HS6ST3: variants seen among roughly 807,000 people sequenced by gnomAD.
HS6ST3 encodes the protein heparan-sulfate 6-O-sulfotransferase 3.
HS6ST3 carries 12 observed loss-of-function variants against 36.7 expected under a neutral mutation model. That is an observed-to-expected ratio of 0.33 (90% CI 0.21 to 0.53). The LOEUF (loss-of-function observed/expected upper bound fraction) is 0.53, where lower values mean the gene tolerates loss of function less well. Among genes scored for constraint, HS6ST3 ranks in the 20% least tolerant of loss-of-function variants. HS6ST3 has a pLI of 0.95. For synonymous variants in HS6ST3, 240 were observed against 257.5 expected (o/e 0.93, Z 0.65); for missense variants, 584 against 640.9 (o/e 0.91, Z 0.96).
intron 1 of HS6ST3, among the ~76,000 whole-genome samples, chr13:96,516,491 G>C (rs749888699): frequency 2.6e-5 from 4 of 152,134 alleles, no homozygotes; most frequent in Non-Finnish European, 5.9e-5. Flanking sequence ...TACATGTTGA[G>C]TAGTATTCTT....
chr13:96,615,966 A>G (rs922478860), intron 1 of HS6ST3, among the ~76,000 whole-genome samples: 4 of 152,208 alleles, frequency 2.6e-5, no homozygotes, highest in Non-Finnish European at 5.9e-5. Context: ...AACAATTTAG[A>G]GAAAGGATCA....
intron 1 of HS6ST3, among the ~76,000 whole-genome samples, chr13:96,115,596 G>C (rs1164536794): frequency 6.6e-6 from 1 of 152,156 alleles, no homozygotes; most frequent in Non-Finnish European, 1.5e-5. Flanking sequence ...TTTTGTGGCT[G>C]CATAGTATTC....
chr13:96,320,496 G>A (rs750696434), intron 1 of HS6ST3, among the ~76,000 whole-genome samples: 4 of 152,138 alleles, frequency 2.6e-5, no homozygotes, highest in Admixed American at 6.5e-5. Context: ...AGACTGTGCC[G>A]AGGCATAAAT....
intron 1 of HS6ST3, among the ~76,000 whole-genome samples, chr13:96,358,859 G>GTA (rs1171694064): frequency 2.7e-5 from 4 of 147,274 alleles, no homozygotes; most frequent in African/African-American, 5.1e-5. Flanking sequence ...AAGAAAGGAA[G>GTA]TATATATATA....
intron 1 of HS6ST3, among the ~76,000 whole-genome samples, chr13:96,524,966 C>T (rs1330263059): frequency 1.3e-5 from 2 of 152,194 alleles, no homozygotes; most frequent in East Asian, 1.9e-4. Flanking sequence ...TTGACTGGAG[C>T]TGTTCCTATT....
intron 1 of HS6ST3, among the ~76,000 whole-genome samples, chr13:96,698,467 CACAA>C (rs1199905036): frequency 6.6e-6 from 1 of 152,058 alleles, no homozygotes. Flanking sequence ...TCCAATAACA[CACAA>C]ACAGAGAGCC....
At chr13:96,256,675 T>C (rs2054639053) in intron 1 of HS6ST3, among the ~76,000 whole-genome samples, 1 of 152,198 alleles carries the variant, frequency 6.6e-6, no homozygotes, top group Non-Finnish European at 1.5e-5. Flanking sequence ...GATTTAGTAG[T>C]AGAGCTGAAT....
intron 1 of HS6ST3, among the ~76,000 whole-genome samples, chr13:96,130,995 C>G (rs1452804272): frequency 6.6e-6 from 1 of 152,156 alleles, no homozygotes; most frequent in Admixed American, 6.5e-5. Flanking sequence ...TAACGCTGTT[C>G]CCTCCCACTA....
chr13:96,206,178 A>T (rs141088127), intron 1 of HS6ST3, among the ~76,000 whole-genome samples: 9 of 152,308 alleles, frequency 5.9e-5, no homozygotes, highest in African/African-American at 1.7e-4. Flanking sequence ...ACAGGCAAGC[A>T]GGGAGCCAAA....
At chr13:96,156,007 C>G (rs1566895360) in intron 1 of HS6ST3, among the ~76,000 whole-genome samples, 1 of 152,174 alleles carries the variant, frequency 6.6e-6, no homozygotes, top group African/African-American at 2.4e-5. Flanking sequence ...AAGTTACACC[C>G]TCATGATTGT....
intron 1 of HS6ST3, among the ~76,000 whole-genome samples, chr13:96,270,743 T>C (rs1210216080): frequency 3.3e-5 from 5 of 151,898 alleles, no homozygotes; most frequent in Non-Finnish European, 7.4e-5. Context: ...CAAGGCAGAC[T>C]GGAGACTGGG....
At chr13:96,540,965 C>T (rs2056175131) in intron 1 of HS6ST3, among the ~76,000 whole-genome samples, 1 of 152,144 alleles carries the variant, frequency 6.6e-6, no homozygotes, top group Non-Finnish European at 1.5e-5. Context: ...CCTGAGAGCT[C>T]TGTTATACAA....
In HS6ST3 at chr13:96,833,233, T is replaced by G. The variant is rs372209629; in HGVS notation, c.*35T>G. The G allele has an allele frequency of 1.1e-5, 16 of 1,446,702 alleles. No homozygotes were observed. The African/African-American group carries it at 1.4e-4, about 13-fold the overall frequency. 89.6% of individuals were successfully genotyped at this position (1,446,702 alleles called of 1,614,324 possible). A position where few individuals can be genotyped will look rare whatever the true frequency, so the allele number is the denominator to read the frequency against. On this transcript the variant is annotated 3_prime_UTR_variant, in exon 2 of 2. Transcript: ENST00000376705. Reference sequence around the variant, plus strand: ...CTCTCCTCTCTCAGGAGGGGGAGGGTGAGCAGGCACATTGACTTTCTGTTG... The same window carrying G: ...CTCTCCTCTCTCAGGAGGGGGAGGGGGAGCAGGCACATTGACTTTCTGTTG...
In HS6ST3 at chr13:96,555,454, TA is replaced by T. The variant is rs200442163; in HGVS notation, c.708-277035del. On this transcript the variant is annotated intron_variant, in intron 1 of 1. Transcript: ENST00000376705. ...GCCTTAAATTTCAAGTTAAATATGA[TA>T]TTTTTAAAGAACACCATAAGATAAG... is the stretch of plus-strand genomic sequence containing the variant. Among the ~76,000 whole-genome samples, 111 of 152,286 alleles carry T rather than the reference TA, an allele frequency of 7.3e-4. No individual in the cohort carries two copies. In the East Asian group the frequency reaches 0.021, roughly 29 times the overall value.
At chr13:96,438,407 G>A (rs951186199) in intron 1 of HS6ST3, among the ~76,000 whole-genome samples, 1 of 152,172 alleles carries the variant, frequency 6.6e-6, no homozygotes, top group African/African-American at 2.4e-5. Context: ...GTCCAGAAGG[G>A]TGCAATGACT....
chr13:96,806,928 C>T (rs958202544), intron 1 of HS6ST3, among the ~76,000 whole-genome samples: 1 of 152,138 alleles, frequency 6.6e-6, no homozygotes, highest in Non-Finnish European at 1.5e-5. Flanking sequence ...TTATGGCCTT[C>T]CCCCCGGGAA....
chr13:96,453,068 A>C (rs1463414738), intron 1 of HS6ST3, among the ~76,000 whole-genome samples: 5 of 152,070 alleles, frequency 3.3e-5, no homozygotes, highest in Non-Finnish European at 7.4e-5. Flanking sequence ...TGCTGTGCAC[A>C]CAAGGATTTG....
At chr13:96,791,049 A>G (rs539964581) in intron 1 of HS6ST3, among the ~76,000 whole-genome samples, 1 of 152,120 alleles carries the variant, frequency 6.6e-6, no homozygotes, top group South Asian at 2.1e-4. Context: ...GATATTAGAT[A>G]CAGTTTGGGG....
At chr13:96,727,923 A>T (rs1876047097) in intron 1 of HS6ST3, among the ~76,000 whole-genome samples, 3 of 152,200 alleles carry the variant, frequency 2.0e-5, no homozygotes, top group Non-Finnish European at 2.9e-5. Flanking sequence ...TTTCCCCAGG[A>T]ATATCCCCAA....
Sources: allele counts gnomAD v4.1 joint callset (sites outside exome capture counted in the v4.1 genomes callset), GRCh38; gene constraint gnomAD v4.1.1; transcripts MANE v1.5; gene names NCBI Gene and HGNC (gene_info 2026-07-23, HGNC 2026-07-21).